MACROH2A2: variants seen among roughly 807,000 people sequenced by gnomAD.
MACROH2A2 encodes the protein macroH2A.2 histone, also known as core histone macro-H2A.2.
Under a neutral mutation model 37.6 loss-of-function variants are expected in MACROH2A2, and 6 were observed. That is an observed-to-expected ratio of 0.16 (90% CI 0.09 to 0.32). The LOEUF (loss-of-function observed/expected upper bound fraction) is 0.32, where lower values mean the gene tolerates loss of function less well. Among genes scored for constraint, MACROH2A2 ranks in the 10% least tolerant of loss-of-function variants. The pLI, the probability that MACROH2A2 is intolerant of heterozygous loss-of-function variation, is 1.00. For missense variants in MACROH2A2, 290 were observed against 485.9 expected (o/e 0.60, Z 3.79); for synonymous variants, 192 against 202.7 (o/e 0.95, Z 0.45).
At chr10:70,079,482 T>G (rs1589834545) in intron 2 of MACROH2A2, among the ~76,000 whole-genome samples, 2 of 143,630 alleles carry the variant, frequency 1.4e-5, no homozygotes, top group South Asian at 4.4e-4. Context: ...ATGGGAGGAG[T>G]GAGAGATGAA....
intron 6 of MACROH2A2, chr10:70,098,482 G>A (rs1022763889): frequency 1.3e-5 from 2 of 152,160 alleles, no homozygotes; most frequent in African/African-American, 2.4e-5. Context: ...ACTGCAGTTG[G>A]TTGATGAGTC....
At chr10:70,076,919 T>C (rs987065934) in intron 2 of MACROH2A2, among the ~76,000 whole-genome samples, 2 of 151,964 alleles carry the variant, frequency 1.3e-5, no homozygotes, top group South Asian at 4.2e-4. Flanking sequence ...TGGTGAAAGG[T>C]TTTCCTTGAT....
intron 1 of MACROH2A2, among the ~76,000 whole-genome samples, chr10:70,058,157 G>T (rs2072028659): frequency 6.6e-6 from 1 of 152,186 alleles, no homozygotes; most frequent in African/African-American, 2.4e-5. Flanking sequence ...ACAGAACTCT[G>T]TACTTTAAGC....
intron 1 of MACROH2A2, among the ~76,000 whole-genome samples, chr10:70,055,536 A>C (rs2072010040): frequency 1.4e-5 from 2 of 145,388 alleles, no homozygotes; most frequent in Non-Finnish European, 3.1e-5. Flanking sequence ...ACCTCTAGAT[A>C]GGGAAAGAAA....
Position 70,090,091 on chromosome 10 carries a change from G to A in MACROH2A2, c.204G>A (p.Ala68=), listed in dbSNP as rs757851237. 5 of 1,613,936 alleles carry A rather than the reference G, an allele frequency of 3.1e-6. No homozygotes were observed. Among genetic ancestry groups the A allele is most frequent in the South Asian group, 1.1e-5 (1 of 91,074 alleles). ...TTCTAGAATTGGCCGGCAATGCCGC[G>A]AGGGACAACAAGAAGGCCCGGATAG... ...AEILELAGNA[A]RDNKKARIAP... is the part of the protein sequence containing the mutation. Residue 68 remains alanine, a synonymous_variant, in exon 3 of 9, where the codon GCG becomes GCA. Transcript: ENST00000373255.
intron 1 of MACROH2A2, among the ~76,000 whole-genome samples, chr10:70,069,432 G>C (rs1052577201): frequency 3.9e-5 from 6 of 152,036 alleles, no homozygotes; most frequent in African/African-American, 1.4e-4. Context: ...GTATACCTTG[G>C]TCTTTCTGCT....
At chr10:70,089,991 T>C in intron 2 of MACROH2A2, 69 bp from the exon 3 acceptor site, 1 of 970,278 alleles carries the variant, frequency 1.0e-6, no homozygotes, top group Non-Finnish European at 1.7e-6. Context: ...TTGAAGGCCA[T>C]TTCTAAAGAA....
intron 1 of MACROH2A2, among the ~76,000 whole-genome samples, chr10:70,071,019 G>A (rs76564905): frequency 0.017 from 2,507 of 151,778 alleles, 61 homozygotes; most frequent in East Asian, 0.1. Context: ...GTGTGTGAGC[G>A]CGTGCATGTA....
intron 7 of MACROH2A2, among the ~76,000 whole-genome samples, chr10:70,100,751 G>A (rs2136640547): frequency 6.6e-6 from 1 of 152,028 alleles, no homozygotes; most frequent in African/African-American, 2.4e-5. Context: ...CGAGTTGCTG[G>A]AATTACAGGC....
intron 1 of MACROH2A2, among the ~76,000 whole-genome samples, chr10:70,056,755 C>G (rs768512538): frequency 1.3e-5 from 2 of 152,072 alleles, no homozygotes; most frequent in African/African-American, 4.8e-5. Flanking sequence ...TATGAGATTC[C>G]CTTGCAAGGC....
rs538930807 is a variant in MACROH2A2 at position 70,109,566 on chromosome 10, G to A, written c.953+359G>A. On this transcript the variant is annotated intron_variant, in intron 8 of 8. Coordinates refer to ENST00000373255, the MANE Select transcript of MACROH2A2 (RefSeq NM_018649.3). ...TATTCCCACCAGCTGTCCATGTCCA[G>A]GACACATGATCAGAAAACGCCAGGC... Among the ~76,000 whole-genome samples the A allele has an allele frequency of 1.3e-4, 20 of 152,340 alleles. No individual in the cohort carries two copies. In the South Asian group the frequency reaches 3.9e-3, roughly 30 times the overall value.
intron 1 of MACROH2A2, among the ~76,000 whole-genome samples, chr10:70,069,371 C>T (rs896877829): frequency 2.6e-5 from 4 of 152,136 alleles, no homozygotes; most frequent in Non-Finnish European, 5.9e-5. Flanking sequence ...TGTTTCTCAC[C>T]GTTAACATTC....
intron 1 of MACROH2A2, among the ~76,000 whole-genome samples, chr10:70,059,707 A>G (rs904655378): frequency 2.6e-5 from 4 of 152,148 alleles, no homozygotes; most frequent in South Asian, 2.1e-4. Flanking sequence ...GGGGAACCCT[A>G]CGAGGTCTAC....
At chr10:70,092,071 G>A in intron 4 of MACROH2A2, 117 bp downstream of exon 4, 2 of 808,166 alleles carry the variant, frequency 2.5e-6, no homozygotes, top group South Asian at 3.4e-5. Context: ...ATTACAAGGT[G>A]TGGGCTTTGA....
intron 1 of MACROH2A2, among the ~76,000 whole-genome samples, chr10:70,064,239 G>A (rs2072066315): frequency 6.6e-6 from 1 of 151,962 alleles, no homozygotes; most frequent in African/African-American, 2.4e-5. Context: ...TGTGGTGGAA[G>A]GCTCCTGTAA....
At chr10:70,070,233 A>G (rs1345921531) in intron 1 of MACROH2A2, among the ~76,000 whole-genome samples, 1 of 152,148 alleles carries the variant, frequency 6.6e-6, no homozygotes, top group Non-Finnish European at 1.5e-5. Context: ...CCTGCTTAAA[A>G]TACATGCATA....
chr10:70,105,881 A>G (rs1006616574), intron 7 of MACROH2A2, among the ~76,000 whole-genome samples: 4 of 152,182 alleles, frequency 2.6e-5, no homozygotes, highest in African/African-American at 9.7e-5. Context: ...GGCACGTGTT[A>G]GCCCTGGGGC....
intron 1 of MACROH2A2, among the ~76,000 whole-genome samples, chr10:70,068,485 C>A (rs1187566048): frequency 6.6e-6 from 1 of 152,182 alleles, no homozygotes; most frequent in Non-Finnish European, 1.5e-5. Flanking sequence ...CAATGAATTA[C>A]AAATAGGATG....
chr10:70,090,576 C>G (rs775038083), intron 3 of MACROH2A2, among the ~76,000 whole-genome samples: 6 of 152,178 alleles, frequency 3.9e-5, no homozygotes, highest in Non-Finnish European at 5.9e-5. Context: ...GCGAATACCC[C>G]CTTTTCACCT....
Sources: allele counts gnomAD v4.1 joint callset (sites outside exome capture counted in the v4.1 genomes callset), GRCh38; gene constraint gnomAD v4.1.1; transcripts MANE v1.5; gene names NCBI Gene and HGNC (gene_info 2026-07-23, HGNC 2026-07-21).